Variants in VAV3 observed in about 807,000 individuals in gnomAD.
The protein encoded by VAV3 is guanine nucleotide exchange factor VAV3.
A neutral mutation model predicts 131.2 loss-of-function variants in VAV3; 94 were observed. That is an observed-to-expected ratio of 0.72 (90% CI 0.61 to 0.85). The LOEUF (loss-of-function observed/expected upper bound fraction) is 0.85. VAV3 is among the 40% of genes least tolerant of loss of function. The probability of loss-of-function intolerance (pLI) is 0.00; values close to 1 mark genes in which losing one functional copy is unlikely to be tolerated. For missense variants in VAV3, 939 were observed against 1,002.7 expected (o/e 0.94, Z 0.86); for synonymous variants, 349 against 342.0 (o/e 1.02, Z -0.22).
intron 1 of VAV3, among the ~76,000 whole-genome samples, chr1:107,918,987 A>T (rs1275147561): frequency 2.0e-5 from 3 of 152,054 alleles, no homozygotes; most frequent in Admixed American, 2.0e-4. Context: ...GATTACAGGC[A>T]CGAGCCACCC....
chr1:107,838,334 C>T lies in VAV3; in HGVS notation c.321+36567G>A, dbSNP rs12122740. Reference sequence around the variant, plus strand: ...CCTTCTCAAAAGAGAACACACAAGTCTCCAACAAACATAAATGTTCAACAT... The same window carrying T: ...CCTTCTCAAAAGAGAACACACAAGTTTCCAACAAACATAAATGTTCAACAT... On this transcript the variant is annotated intron_variant, in intron 2 of 26. Coordinates refer to ENST00000370056, the MANE Select transcript of VAV3 (RefSeq NM_006113.5). Among the ~76,000 whole-genome samples, 578 of 152,252 alleles carry T rather than the reference C, an allele frequency of 3.8e-3. 3 individuals carry two copies. Among genetic ancestry groups the T allele is most frequent in the Middle Eastern group, 0.017 (5 of 294 alleles).
chr1:107,791,154 G>T (rs985528581), intron 2 of VAV3, among the ~76,000 whole-genome samples: 10 of 152,130 alleles, frequency 6.6e-5, no homozygotes, highest in African/African-American at 2.4e-4. Flanking sequence ...CTGTGATTTG[G>T]CTGCATTTAT....
intron 20 of VAV3, among the ~76,000 whole-genome samples, chr1:107,626,026 A>G (rs1653995192): frequency 6.6e-6 from 1 of 152,236 alleles, no homozygotes; most frequent in Non-Finnish European, 1.5e-5. Flanking sequence ...CAGGAAAAAA[A>G]AAGAGATAAT....
chr1:107,720,919 G>T (rs1053901531), intron 15 of VAV3, among the ~76,000 whole-genome samples: 1 of 152,188 alleles, frequency 6.6e-6, no homozygotes, highest in Non-Finnish European at 1.5e-5. Context: ...TGTCAGAGAA[G>T]ATAAGGTATG....
At chr1:107,708,956 C>T in intron 15 of VAV3, among the ~76,000 whole-genome samples, 1 of 151,576 alleles carries the variant, frequency 6.6e-6, no homozygotes, top group Non-Finnish European at 1.5e-5. Flanking sequence ...ACACATACCC[C>T]CCCACACACC....
chr1:107,760,938 G>T (rs1213014635), intron 9 of VAV3, 59 bp from the exon 10 acceptor site: 1 of 1,211,278 alleles, frequency 8.3e-7, no homozygotes, highest in Non-Finnish European at 1.2e-6. Flanking sequence ...AAGATGCAAA[G>T]GCCCTAGGCA....
chr1:107,929,566 C>G (rs1157721749), intron 1 of VAV3, among the ~76,000 whole-genome samples: 1 of 152,020 alleles, frequency 6.6e-6, no homozygotes, highest in Non-Finnish European at 1.5e-5. Flanking sequence ...AGTAAGTAAA[C>G]TCCCCTAAGT....
At position 107,613,827 on chromosome 1, in the gene VAV3, G is replaced by A. The variant is rs575935888; in HGVS notation, c.1980+3740C>T. Among the ~76,000 whole-genome samples, 22 of 152,088 alleles carry A rather than the reference G, an allele frequency of 1.4e-4. No homozygotes were observed. In the East Asian group the frequency reaches 4.1e-3, roughly 28 times the overall value. ...CCAGACAGCATTTGAATTTTCATTG[G>A]GAGAATAATCAATGTGGAATAATTT... On this transcript the variant is annotated intron_variant, in intron 21 of 26. Transcript: ENST00000370056.
At position 107,617,610 on chromosome 1, in the gene VAV3, T is replaced by A; in HGVS notation, c.1937A>T (p.Glu646Val). The A allele has an allele frequency of 2.5e-6, 4 of 1,609,094 alleles. No homozygotes were observed. Among genetic ancestry groups the A allele is most frequent in the Non-Finnish European group, 3.4e-6 (4 of 1,178,324 alleles). ...TGCATCACTTGGAAAAAATCCAACC[T>A]CTCCAGATGCTAAATTTCTGCCCTA... is the stretch of plus-strand genomic sequence containing the variant. The part of the protein sequence containing the change: ...FWQGRNLASG[E>V]VGFFPSDAVK... The change falls in exon 21 of 27, where the codon GAG becomes GTG. Residue 646 changes from glutamate (E) to valine (V), a missense_variant. Glu to Val is a moderately radical substitution (Grantham distance 121). Transcript: ENST00000370056.
intron 15 of VAV3, among the ~76,000 whole-genome samples, chr1:107,736,970 G>A (rs1662682618): frequency 6.6e-6 from 1 of 152,292 alleles, no homozygotes; most frequent in East Asian, 1.9e-4. Flanking sequence ...CAAGGCTACA[G>A]TAACCAAAAC....
chr1:107,913,422 C>T (rs1571133269), intron 1 of VAV3, among the ~76,000 whole-genome samples: 4 of 152,184 alleles, frequency 2.6e-5, no homozygotes, highest in East Asian at 1.9e-4. Flanking sequence ...CACTGCTAAT[C>T]GCTCACAGCA....
At chr1:107,716,506 CTT>C in intron 15 of VAV3, among the ~76,000 whole-genome samples, 1 of 152,114 alleles carries the variant, frequency 6.6e-6, no homozygotes, top group Non-Finnish European at 1.5e-5. Context: ...TGGTTTTTGT[CTT>C]TGGTTCTGTT....
At position 107,945,231 on chromosome 1, in the gene VAV3, T is replaced by C. The variant is rs376376598; in HGVS notation, c.204+19435A>G. ...ACTTTCCCTCATTAACATGAAAGATTATATAAGAAAAAAACAAGATCTTAT... is the reference window on the plus strand; with the variant it reads ...ACTTTCCCTCATTAACATGAAAGATCATATAAGAAAAAAACAAGATCTTAT... On this transcript the variant is annotated intron_variant, in intron 1 of 26. Coordinates refer to ENST00000370056, the MANE Select transcript of VAV3 (RefSeq NM_006113.5). Among the ~76,000 whole-genome samples, 5 of 152,246 alleles carry C rather than the reference T, an allele frequency of 3.3e-5. 1 individual carries two copies. Among genetic ancestry groups the C allele is most frequent in the African/African-American group, 1.2e-4 (5 of 41,552 alleles).
chr1:107,791,469 C>A (rs552846177), intron 2 of VAV3, among the ~76,000 whole-genome samples: 1 of 151,812 alleles, frequency 6.6e-6, no homozygotes, highest in South Asian at 2.1e-4. Flanking sequence ...GGAGGAAATA[C>A]ATTCAAGGGC....
chr1:107,858,795 T>A (rs1669598516), intron 2 of VAV3, among the ~76,000 whole-genome samples: 1 of 152,116 alleles, frequency 6.6e-6, no homozygotes, highest in African/African-American at 2.4e-5. Flanking sequence ...GAAGTGTGAG[T>A]CACAGCAAAT....
intron 25 of VAV3, 42 bp from the exon 26 acceptor site, chr1:107,574,240 G>A (rs780074534): frequency 3.1e-5 from 50 of 1,598,586 alleles, no homozygotes; most frequent in Middle Eastern, 3.3e-4. Flanking sequence ...TTTGCAGTTC[G>A]TTAACAACCA....
Position 107,613,137 on chromosome 1 carries a change from T to A in VAV3, c.1981-3172A>T, listed in dbSNP as rs147529398. On this transcript the variant is annotated intron_variant, in intron 21 of 26. Coordinates refer to ENST00000370056, the MANE Select transcript of VAV3 (RefSeq NM_006113.5). ...TTCTGTTGTTAGCTGGGTCTAATAA[T>A]CAACCTTTTATAGATAATCTGTCTT... Among the ~76,000 whole-genome samples the A allele has an allele frequency of 7.1e-4, 108 of 152,292 alleles. No homozygotes were observed. In the East Asian group the frequency reaches 0.011, roughly 15 times the overall value.
intron 1 of VAV3, among the ~76,000 whole-genome samples, chr1:107,918,706 T>TA (rs1491228523): frequency 0.019 from 969 of 51,342 alleles, 3 homozygotes; most frequent in Middle Eastern, 0.053. Flanking sequence ...TATATATATA[T>TA]TTTTTTTTTT....
At chr1:107,865,231 C>T (rs559379596) in intron 2 of VAV3, among the ~76,000 whole-genome samples, 4 of 152,236 alleles carry the variant, frequency 2.6e-5, no homozygotes, top group African/African-American at 9.6e-5. Context: ...TGTCAAGGTC[C>T]AATTTCTGTG....
Sources: allele counts gnomAD v4.1 joint callset (sites outside exome capture counted in the v4.1 genomes callset), GRCh38; gene constraint gnomAD v4.1.1; transcripts MANE v1.5; gene names NCBI Gene and HGNC (gene_info 2026-07-23, HGNC 2026-07-21).